Variants in ZFP2 observed in about 807,000 individuals in gnomAD.
ZFP2 encodes ZFP2 zinc finger protein.
In ZFP2, 33 loss-of-function variants were observed where a neutral mutation model predicts 36.1. The ratio of observed to expected loss-of-function variants is 0.92; its 90% CI spans 0.69 to 1.22. ZFP2 has a LOEUF of 1.22. Ranked by LOEUF, ZFP2 falls within the 50% of genes most tolerant of loss-of-function variation. ZFP2 has a pLI of 0.00. For missense variants in ZFP2, 522 were observed against 551.4 expected (o/e 0.95, Z 0.53); for synonymous variants, 170 against 178.0 (o/e 0.96, Z 0.36).
rs1177689455 is a variant in ZFP2 at position 178,909,819 on chromosome 5, T to A, written c.-449-2765T>A. The A allele has an allele frequency of 9.4e-6, 15 of 1,592,862 alleles. No individual in the cohort carries two copies. In the African/African-American group the frequency reaches 1.7e-4, roughly 19 times the overall value. ...CCACTCCACAAAGGTGTCGAAGAGA[T>A]TTGGCCAGGCCTCATCTTCACTGTG... On this transcript the variant is annotated intron_variant, in intron 1 of 4. Coordinates refer to ENST00000361362, the MANE Select transcript of ZFP2 (RefSeq NM_030613.4).
At chr5:178,912,912 C>T in intron 2 of ZFP2, 70 bp from the exon 3 acceptor site, 2 of 932,356 alleles carry the variant, frequency 2.1e-6, no homozygotes, top group Non-Finnish European at 2.6e-6. Flanking sequence ...GAGAAATGAT[C>T]AGAACTCTGC....
intron 1 of ZFP2, among the ~76,000 whole-genome samples, chr5:178,911,995 G>C (rs990130913): frequency 6.6e-6 from 1 of 152,038 alleles, no homozygotes; most frequent in South Asian, 2.1e-4. Flanking sequence ...AATTAGCCAG[G>C]CGTGGTGGGC....
chr5:178,910,104 G>T, intron 1 of ZFP2: 1 of 1,470,918 alleles, frequency 6.8e-7, no homozygotes, highest in Non-Finnish European at 9.5e-7. Context: ...CTCCTGTTTG[G>T]CTTCTGTTAA....
chr5:178,910,020 T>C lies in ZFP2; in HGVS notation c.-449-2564T>C, dbSNP rs1438922383. The C allele has an allele frequency of 1.9e-5, 28 of 1,446,860 alleles. No homozygotes were observed. The Admixed American group carries it at 4.2e-4, about 22-fold the overall frequency. The allele number at this position is 1,446,860 out of a possible 1,614,324, so 89.6% of individuals were successfully genotyped here. On this transcript the variant is annotated intron_variant, in intron 1 of 4. Transcript: ENST00000361362. ...CCATAGGGTGATGGCTATTTGCCGATGCAGTGACCACTGCCCTTCTTCAGA... is the reference window on the plus strand; with the variant it reads ...CCATAGGGTGATGGCTATTTGCCGACGCAGTGACCACTGCCCTTCTTCAGA...
intron 4 of ZFP2, chr5:178,922,560 C>A (rs773087141): frequency 9.4e-6 from 14 of 1,482,420 alleles, no homozygotes; most frequent in Non-Finnish European, 1.3e-5. Context: ...TTTGTAGGAG[C>A]ATGGCTTGGA....
At chr5:178,906,821 G>A (rs1758176770) in intron 1 of ZFP2, among the ~76,000 whole-genome samples, 1 of 150,780 alleles carries the variant, frequency 6.6e-6, no homozygotes, top group Admixed American at 6.6e-5. Context: ...GCCTCCGAAA[G>A]TGCTGGGATT....
intron 1 of ZFP2, among the ~76,000 whole-genome samples, chr5:178,898,439 C>T (rs750838852): frequency 6.6e-6 from 1 of 152,216 alleles, no homozygotes; most frequent in Non-Finnish European, 1.5e-5. Flanking sequence ...GCTAAATAGG[C>T]ATAATGAAGT....
chr5:178,922,615 C>G lies in ZFP2; in HGVS notation c.-78+5905C>G. The G allele has an allele frequency of 1.3e-6, 2 of 1,581,570 alleles. 1 individual carries two copies. Among genetic ancestry groups the G allele is most frequent in the Non-Finnish European group, 1.7e-6 (2 of 1,153,914 alleles). The stretch of plus-strand genomic sequence containing the variant: ...AGGGCAAGAGCATGGCAGGTATGGC[C>G]CATCTCCTGTACGCTTGGAGCGACC... On this transcript the variant is annotated intron_variant, in intron 4 of 4. Coordinates refer to ENST00000361362, the MANE Select transcript of ZFP2 (RefSeq NM_030613.4).
chr5:178,900,189 G>A (rs541996380), intron 1 of ZFP2, among the ~76,000 whole-genome samples: 5 of 152,318 alleles, frequency 3.3e-5, no homozygotes, highest in African/African-American at 1.2e-4. Flanking sequence ...CTGAGGCACA[G>A]TTTAATAAAA....
At position 178,900,122 on chromosome 5, in the gene ZFP2, T is replaced by TA. The variant is rs1210024440; in HGVS notation, c.-450+4150dup. ...ATGACTGTTGTGGTTTGGTTGTCAG[T>TA]AACCTACATTTTAATTTATGTAGCC... is the stretch of plus-strand genomic sequence containing the variant. On this transcript the variant is annotated intron_variant, in intron 1 of 4. Coordinates refer to ENST00000361362, the MANE Select transcript of ZFP2 (RefSeq NM_030613.4). Among the ~76,000 whole-genome samples, 25 of 152,358 alleles carry TA rather than the reference T, an allele frequency of 1.6e-4. 1 individual carries two copies. The highest frequency in any genetic ancestry group is 1.6e-3 in the Admixed American group (25 of 15,308).
chr5:178,908,728 T>G (rs1758225805), intron 1 of ZFP2, among the ~76,000 whole-genome samples: 1 of 149,870 alleles, frequency 6.7e-6, no homozygotes, highest in Non-Finnish European at 1.5e-5. Context: ...TTTTGGGAGA[T>G]TCCCCCAAAA....
chr5:178,913,020 G>T lies in ZFP2; in HGVS notation c.-275G>T. The T allele has an allele frequency of 5.1e-6, 5 of 985,874 alleles. No homozygotes were observed. Among genetic ancestry groups the T allele is most frequent in the Non-Finnish European group, 6.0e-6 (5 of 829,970 alleles). 61.1% of individuals were successfully genotyped at this position (985,874 alleles called of 1,614,324 possible). On this transcript the variant is annotated 5_prime_UTR_variant, in exon 3 of 5. The change creates a premature stop within an existing upstream ORF in the 5' untranslated region. Coordinates refer to ENST00000361362, the MANE Select transcript of ZFP2 (RefSeq NM_030613.4). ...CAAACCCAATGGGACTTCCCAGCTG[G>T]AACGAGAACTGAGTCTGATGCAAAA...
At chr5:178,908,602 C>T (rs1229808593) in intron 1 of ZFP2, among the ~76,000 whole-genome samples, 1 of 139,968 alleles carries the variant, frequency 7.1e-6, no homozygotes, top group East Asian at 2.2e-4. Context: ...CCCCTCCCTG[C>T]TCTATGCCTT....
intron 1 of ZFP2, among the ~76,000 whole-genome samples, chr5:178,905,069 A>G (rs550869518): frequency 6.0e-4 from 91 of 152,272 alleles, no homozygotes; most frequent in African/African-American, 2.1e-3. Context: ...CTGTTCTCGT[A>G]TATTTATCCT....
chr5:178,914,826 T>C (rs561276529), intron 3 of ZFP2, among the ~76,000 whole-genome samples: 2 of 152,190 alleles, frequency 1.3e-5, no homozygotes, highest in East Asian at 3.9e-4. Context: ...GAGCAAATAC[T>C]CAAAGTGATG....
intron 1 of ZFP2, among the ~76,000 whole-genome samples, chr5:178,909,104 G>A (rs1382341179): frequency 3.6e-5 from 5 of 140,270 alleles, no homozygotes; most frequent in Admixed American, 1.4e-4. Flanking sequence ...GGCTCAGGGC[G>A]TAAAACCCCT....
At chr5:178,917,899 C>T (rs149779255) in intron 4 of ZFP2, among the ~76,000 whole-genome samples, 9 of 152,238 alleles carry the variant, frequency 5.9e-5, no homozygotes, top group African/African-American at 1.9e-4. Context: ...ACTGCTGCCT[C>T]AGGGCCTTAG....
At chr5:178,930,460 A>G (rs1352359298) in intron 4 of ZFP2, among the ~76,000 whole-genome samples, 1 of 151,298 alleles carries the variant, frequency 6.6e-6, no homozygotes, top group African/African-American at 2.4e-5. Flanking sequence ...AGCTAAGACT[A>G]CAGGCGCCTG....
Position 178,913,013 on chromosome 5 carries a change from C to T in ZFP2, c.-282C>T, listed in dbSNP as rs996085732. ...ACCTTTCCAAACCCAATGGGACTTCCCAGCTGGAACGAGAACTGAGTCTGA... is the reference window on the plus strand; with the variant it reads ...ACCTTTCCAAACCCAATGGGACTTCTCAGCTGGAACGAGAACTGAGTCTGA... On this transcript the variant is annotated 5_prime_UTR_variant, in exon 3 of 5. Coordinates refer to ENST00000361362, the MANE Select transcript of ZFP2 (RefSeq NM_030613.4). The T allele has an allele frequency of 7.1e-6, 7 of 985,912 alleles. No individual in the cohort carries two copies. Among genetic ancestry groups the T allele is most frequent in the Non-Finnish European group, 8.4e-6 (7 of 829,984 alleles). The allele number at this position is 985,912 out of a possible 1,614,324, so 61.1% of individuals were successfully genotyped here. A position where few individuals can be genotyped will look rare whatever the true frequency, so the allele number is the denominator to read the frequency against.
Sources: gnomAD v4.1 joint callset for allele counts (sites outside exome capture counted in the v4.1 genomes callset) on GRCh38, gnomAD v4.1.1 for gene constraint, MANE v1.5 for transcripts, NCBI Gene and HGNC (gene_info 2026-07-23, HGNC 2026-07-21) for gene names.